MTMR8: variants seen among roughly 807,000 people sequenced by gnomAD.
The protein encoded by MTMR8 is phosphatidylinositol-3,5-bisphosphate 3-phosphatase MTMR8.
A neutral mutation model predicts 39.3 loss-of-function variants in MTMR8; 65 were observed. The observed-to-expected ratio is 1.65, with a 90% CI of 1.35 to 2.03. The LOEUF is 2.03. Among genes scored for constraint, MTMR8 ranks in the 30% most tolerant of loss-of-function variants. The probability of loss-of-function intolerance (pLI) is 0.00; values close to 1 mark genes in which losing one functional copy is unlikely to be tolerated. For synonymous variants in MTMR8, 245 were observed against 185.2 expected, an observed-to-expected ratio of 1.32 and a Z score of -2.62; for missense variants, 777 against 538.9, an observed-to-expected ratio of 1.44 and a Z score of -4.37.
chrX:64,316,029 C>T (rs1922456242), intron 12 of MTMR8, among the ~76,000 whole-genome samples: 1 of 111,254 alleles, frequency 9.0e-6, no homozygotes, highest in South Asian at 3.8e-4. Flanking sequence ...TTTTACATCC[C>T]TTTTCCCTCC....
intron 12 of MTMR8, 100 bp from the exon 13 acceptor site, chrX:64,271,173 G>A: frequency 1.1e-6 from 1 of 876,633 alleles, no homozygotes; most frequent in South Asian, 3.1e-5. Flanking sequence ...CTTAGTAGGT[G>A]GGAAAATCTC....
intron 12 of MTMR8, among the ~76,000 whole-genome samples, chrX:64,328,308 G>A (rs975802791): frequency 1.8e-5 from 2 of 111,860 alleles, no homozygotes; most frequent in African/African-American, 6.5e-5. Context: ...AAATCCTAAA[G>A]AATCCACAAA....
intron 12 of MTMR8, among the ~76,000 whole-genome samples, chrX:64,301,481 A>T (rs1273230469): frequency 9.4e-6 from 1 of 106,260 alleles, no homozygotes; most frequent in African/African-American, 3.4e-5. Flanking sequence ...CATTCTTCTA[A>T]ATTTTTTTCA....
intron 1 of MTMR8, 129 bp from the exon 2 acceptor site, chrX:64,359,656 G>T (rs1243243191): frequency 6.7e-5 from 42 of 628,148 alleles, no homozygotes; most frequent in Admixed American, 9.8e-5. Flanking sequence ...TCCTGCCAAG[G>T]TGGCAAACTA....
rs181714353 is a variant in MTMR8, at chrX:64,395,098, G to T, written c.24+242C>A. ...ACAGGCGTGCACCAGGAGCGGGGGC[G>T]GCGTCGCGTAAGGGGACAGTGGTGC... On this transcript the variant is annotated intron_variant, in intron 1 of 13. Transcript: ENST00000374852. 2.2e-3 allele frequency among the ~76,000 whole-genome samples: 247 copies of T among 112,096 alleles called. 1 individual carries two copies. Among genetic ancestry groups the T allele is most frequent in the African/African-American group, 7.7e-3 (239 of 30,885 alleles).
intron 8 of MTMR8, among the ~76,000 whole-genome samples, chrX:64,340,652 T>A (rs981916084): frequency 2.7e-5 from 3 of 111,173 alleles, no homozygotes; most frequent in Non-Finnish European, 5.7e-5. Flanking sequence ...TGGAAAAAAG[T>A]TTTTCAACCT....
rs768890605 is a variant in MTMR8, at chrX:64,345,153, C to A, written c.757G>T (p.Ala253Ser). Residue 253 changes from alanine to serine, a missense_variant, in exon 7 of 14, where the codon GCT becomes TCT. Transcript: ENST00000374852. Reference protein sequence around the residue: ...PKLNAMANRAAGKGYENEDNY... With the variant: ...PKLNAMANRASGKGYENEDNY... ...TCTTCATTTTCATACCCCTTCCCAGCTGCTCGGTTGGCCATGGCATTCAAC... is the reference window on the plus strand; with the variant it reads ...TCTTCATTTTCATACCCCTTCCCAGATGCTCGGTTGGCCATGGCATTCAAC... 2.5e-6 allele frequency: 3 copies of A among 1,211,378 alleles called. No homozygotes were observed. Among genetic ancestry groups the A allele is most frequent in the South Asian group, 3.5e-5 (2 of 56,983 alleles).
chrX:64,313,584 G>A (rs990829731), intron 12 of MTMR8, among the ~76,000 whole-genome samples: 9 of 112,346 alleles, frequency 8.0e-5, no homozygotes, highest in South Asian at 3.6e-4. Flanking sequence ...AGCTTTTGAC[G>A]TGTCTTCCTT....
chrX:64,295,384 G>A (rs1470931993), intron 12 of MTMR8, among the ~76,000 whole-genome samples: 1 of 111,104 alleles, frequency 9.0e-6, no homozygotes, highest in Non-Finnish European at 1.9e-5. Context: ...GAGAACATAG[G>A]GGGAAATCTT....
At chrX:64,309,032 G>A (rs1922215359) in intron 12 of MTMR8, among the ~76,000 whole-genome samples, 1 of 112,010 alleles carries the variant, frequency 8.9e-6, no homozygotes, top group Non-Finnish European at 1.9e-5. Context: ...AAGTGTTAAA[G>A]TCAGGTAGTT....
rs1463739532 is a variant in MTMR8 at position 64,328,780 on chromosome X, G to T, written c.1473C>A (p.Tyr491Ter). 5.2e-6 allele frequency: 6 copies of T among 1,163,576 alleles called. No homozygotes were observed. The highest frequency in any genetic ancestry group is 6.9e-6 in the Non-Finnish European group (6 of 875,689). Reference sequence around the variant, plus strand: ...AAAACTTAAGAACTTACTGAATGTTGTAGGGCACAGTACTAGGATTGAGTA... The same window carrying T: ...AAAACTTAAGAACTTACTGAATGTTTTAGGGCACAGTACTAGGATTGAGTA... ...YGVLNPSTVPYNIQFWCGMYN... is the reference protein window; with the variant it reads ...YGVLNPSTVP Residue 491 changes from tyrosine (Y) to a stop codon, truncating the protein, a stop_gained, in exon 12 of 14, where the codon TAC (tyrosine) becomes TAA (stop). Coordinates refer to ENST00000374852, the MANE Select transcript of MTMR8 (RefSeq NM_017677.4). LOFTEE classifies it high-confidence loss of function.
intron 12 of MTMR8, among the ~76,000 whole-genome samples, chrX:64,298,376 CTCTG>C (rs1335871618): frequency 1.7e-4 from 15 of 90,440 alleles, no homozygotes; most frequent in East Asian, 7.0e-4. Flanking sequence ...TGATTTGGCT[CTCTG>C]TCTGTTGTTG....
chrX:64,307,568 T>G (rs900343694), intron 12 of MTMR8, among the ~76,000 whole-genome samples: 1 of 111,678 alleles, frequency 9.0e-6, no homozygotes, highest in Non-Finnish European at 1.9e-5. Context: ...TCTATCCCTC[T>G]ACCACTGCCG....
chrX:64,301,840 G>A (rs1199624465), intron 12 of MTMR8, among the ~76,000 whole-genome samples: 3 of 111,914 alleles, frequency 2.7e-5, no homozygotes, highest in Admixed American at 1.9e-4. Context: ...AGGTGTCAGT[G>A]TGCCCCTGCT....
chrX:64,318,883 A>T (rs1483713338), intron 12 of MTMR8, among the ~76,000 whole-genome samples: 1 of 109,949 alleles, frequency 9.1e-6, no homozygotes, highest in African/African-American at 3.3e-5. Flanking sequence ...ATTTCACCAT[A>T]CTGGTCAGGC....
At chrX:64,291,122 C>A (rs1921381997) in intron 12 of MTMR8, among the ~76,000 whole-genome samples, 1 of 111,358 alleles carries the variant, frequency 9.0e-6, no homozygotes, top group Admixed American at 9.6e-5. Context: ...TGCATATGGA[C>A]CTTATGTTGT....
chrX:64,388,072 T>C (rs925285271), intron 1 of MTMR8, among the ~76,000 whole-genome samples: 1 of 111,617 alleles, frequency 9.0e-6, no homozygotes, highest in South Asian at 3.8e-4. Flanking sequence ...TCATTTTCTT[T>C]CTAGGAAGGG....
At chrX:64,361,029 G>T (rs1049277501) in intron 1 of MTMR8, among the ~76,000 whole-genome samples, 3 of 111,425 alleles carry the variant, frequency 2.7e-5, no homozygotes, top group African/African-American at 9.7e-5. Flanking sequence ...TAATAGGATA[G>T]ATCTTTGCTA....
At chrX:64,375,136 G>A (rs1924236049) in intron 1 of MTMR8, among the ~76,000 whole-genome samples, 1 of 109,373 alleles carries the variant, frequency 9.1e-6, no homozygotes, top group African/African-American at 3.3e-5. Context: ...CAAGGCAGGA[G>A]AATCATTTGA....
Sources: gnomAD v4.1 joint callset for allele counts (sites outside exome capture counted in the v4.1 genomes callset) on GRCh38, gnomAD v4.1.1 for gene constraint, MANE v1.5 for transcripts, NCBI Gene and HGNC (gene_info 2026-07-23, HGNC 2026-07-21) for gene names.